Variants in ENTREP2 observed in about 807,000 individuals in gnomAD.
ENTREP2 encodes the protein endosomal transmembrane epsin interactor 2.
At chr15:29,474,062 C>T in the ENTREP2 span, among the ~76,000 whole-genome samples, 3 of 152,316 alleles carry the variant, frequency 2.0e-5, no homozygotes, top group Non-Finnish European at 4.4e-5. Flanking sequence ...AAGCACAGTG[C>T]GTGCTGCCCT....
chr15:29,490,303 T>C, the ENTREP2 span, among the ~76,000 whole-genome samples: 1 of 152,188 alleles, frequency 6.6e-6, no homozygotes, highest in Non-Finnish European at 1.5e-5. Context: ...GCTGTGAGTA[T>C]TACAGCTCTT....
At chr15:29,494,440 C>T in the ENTREP2 span, among the ~76,000 whole-genome samples, 1 of 152,150 alleles carries the variant, frequency 6.6e-6, no homozygotes, top group Non-Finnish European at 1.5e-5. Flanking sequence ...TAAGTTGATA[C>T]ACATATTCAC....
chr15:29,323,584 G>A, the ENTREP2 span, among the ~76,000 whole-genome samples: 1 of 152,112 alleles, frequency 6.6e-6, no homozygotes, highest in Non-Finnish European at 1.5e-5. Flanking sequence ...AAGGCTGTGG[G>A]AACCCCAAAT....
the ENTREP2 span, among the ~76,000 whole-genome samples, chr15:29,439,448 T>C: frequency 6.6e-6 from 1 of 151,792 alleles, no homozygotes; most frequent in Non-Finnish European, 1.5e-5. Context: ...CCAAAATAAA[T>C]AGACAGGAGT....
At chr15:29,136,412 A>G in the ENTREP2 span, 1 of 1,533,592 alleles carries the variant, frequency 6.5e-7, no homozygotes, top group Admixed American at 2.1e-5. Context: ...CGGAGGGGGG[A>G]GCTCAGCAGG....
At chr15:29,283,746 A>G in the ENTREP2 span, among the ~76,000 whole-genome samples, 1 of 152,206 alleles carries the variant, frequency 6.6e-6, no homozygotes, top group East Asian at 1.9e-4. Context: ...TATATAATAT[A>G]AACAATGAGA....
At chr15:29,218,956 A>G in the ENTREP2 span, among the ~76,000 whole-genome samples, 1 of 152,224 alleles carries the variant, frequency 6.6e-6, no homozygotes, top group African/African-American at 2.4e-5. Context: ...AAAAACAAAG[A>G]TAGTCGGGAC....
At chr15:29,468,197 A>G in the ENTREP2 span, among the ~76,000 whole-genome samples, 1 of 152,176 alleles carries the variant, frequency 6.6e-6, no homozygotes, top group African/African-American at 2.4e-5. Context: ...ATATTTCTAA[A>G]TGTATACTGA....
At chr15:29,396,343 G>T in the ENTREP2 span, among the ~76,000 whole-genome samples, 1 of 151,730 alleles carries the variant, frequency 6.6e-6, no homozygotes, top group African/African-American at 2.4e-5. Flanking sequence ...AGAGTCTACG[G>T]ACAAGTGAGA....
the ENTREP2 span, among the ~76,000 whole-genome samples, chr15:29,651,930 C>T: frequency 2.6e-5 from 4 of 152,146 alleles, no homozygotes; most frequent in African/African-American, 4.8e-5. Context: ...CCAGTGAAGC[C>T]CCACCTTCTG....
chr15:29,539,546 T>C, the ENTREP2 span, among the ~76,000 whole-genome samples: 2 of 152,024 alleles, frequency 1.3e-5, no homozygotes, highest in African/African-American at 4.8e-5. Context: ...GGCTGTACTT[T>C]CACTAGCTCT....
At chr15:29,551,042 G>A in the ENTREP2 span, among the ~76,000 whole-genome samples, 5 of 152,220 alleles carry the variant, frequency 3.3e-5, no homozygotes, top group South Asian at 2.1e-4. Flanking sequence ...TGATGCAATC[G>A]GCCTCCAGCA....
At chr15:29,152,789 C>T in the ENTREP2 span, among the ~76,000 whole-genome samples, 68 of 152,154 alleles carry the variant, frequency 4.5e-4, no homozygotes, top group African/African-American at 1.3e-3. Context: ...TTTGTTTCTC[C>T]GAGATAAATG....
At chr15:29,241,250 ACTCT>A in the ENTREP2 span, among the ~76,000 whole-genome samples, 1 of 152,146 alleles carries the variant, frequency 6.6e-6, no homozygotes, top group Non-Finnish European at 1.5e-5. Flanking sequence ...GGGGTAAAGT[ACTCT>A]CTGCTGCCTT....
chr15:29,191,743 T>C, the ENTREP2 span, among the ~76,000 whole-genome samples: 11 of 152,182 alleles, frequency 7.2e-5, no homozygotes, highest in South Asian at 1.7e-3. Context: ...AGTGAGATCC[T>C]ATCTCTACAA....
At chr15:29,131,935 G>GACCTAATCCTACCCTAACCCA in the ENTREP2 span, among the ~76,000 whole-genome samples, 3,652 of 137,546 alleles carry the variant, frequency 0.027, 254 homozygotes, top group East Asian at 0.31. Flanking sequence ...GAAAGAGAAT[G>GACCTAATCCTACCCTAACCCA]GCATCTGACC....
At chr15:29,194,205 G>A in the ENTREP2 span, among the ~76,000 whole-genome samples, 1 of 152,188 alleles carries the variant, frequency 6.6e-6, no homozygotes, top group East Asian at 1.9e-4. Context: ...ACAGATACTC[G>A]CTTCCAATAG....
At chr15:29,534,487 G>C in the ENTREP2 span, among the ~76,000 whole-genome samples, 2 of 152,208 alleles carry the variant, frequency 1.3e-5, no homozygotes, top group Non-Finnish European at 2.9e-5. Flanking sequence ...TTTAGCAACA[G>C]GGCAAACAAG....
chr15:29,650,828 G>GC, the ENTREP2 span, among the ~76,000 whole-genome samples: 2 of 151,952 alleles, frequency 1.3e-5, no homozygotes, highest in East Asian at 3.9e-4. Context: ...GAGCAACATA[G>GC]CAAGACCCTG....
Sources: gnomAD v4.1 joint callset for allele counts (sites outside exome capture counted in the v4.1 genomes callset) on GRCh38, gnomAD v4.1.1 for gene constraint, MANE v1.5 for transcripts, NCBI Gene and HGNC (gene_info 2026-07-23, HGNC 2026-07-21) for gene names.